FIP1L1: variants seen among roughly 807,000 people sequenced by gnomAD.
The protein encoded by FIP1L1 is factor interacting with PAPOLA and CPSF1.
FIP1L1 carries 21 observed loss-of-function variants against 84.6 expected under a neutral mutation model. The ratio of observed to expected loss-of-function variants is 0.25; its 90% CI spans 0.18 to 0.36. FIP1L1 has a LOEUF of 0.36. Among genes scored for constraint, FIP1L1 ranks in the 10% least tolerant of loss-of-function variants. The pLI is 1.00. For synonymous variants in FIP1L1, 263 were observed against 242.3 expected, an observed-to-expected ratio of 1.09 and a Z score of -0.80; for missense variants, 526 against 751.1, an observed-to-expected ratio of 0.70 and a Z score of 3.50.
intron 5 of FIP1L1, among the ~76,000 whole-genome samples, chr4:53,387,066 T>C (rs1309127831): frequency 6.6e-6 from 1 of 152,218 alleles, no homozygotes; most frequent in Non-Finnish European, 1.5e-5. Flanking sequence ...TAGAGAGACA[T>C]TGACTAATAG....
At chr4:53,435,608 A>T (rs1768781337) in intron 13 of FIP1L1, among the ~76,000 whole-genome samples, 1 of 152,158 alleles carries the variant, frequency 6.6e-6, no homozygotes, top group Admixed American at 6.5e-5. Context: ...TGTATGTAAA[A>T]TTACCTTTTT....
chr4:53,440,548 A>C, intron 13 of FIP1L1: 2 of 1,384,856 alleles, frequency 1.4e-6, no homozygotes, highest in Non-Finnish European at 2.0e-6. Flanking sequence ...CTGAAATCCA[A>C]TTACTATATT....
chr4:53,384,555 A>G (rs1578130872), intron 5 of FIP1L1, among the ~76,000 whole-genome samples: 1 of 152,244 alleles, frequency 6.6e-6, no homozygotes, highest in African/African-American at 2.4e-5. Context: ...AATAAAAACA[A>G]TATCAAAAGT....
chr4:53,383,905 G>T (rs1312670315), intron 5 of FIP1L1, 29 bp downstream of exon 5: 3 of 1,602,096 alleles, frequency 1.9e-6, no homozygotes, highest in Non-Finnish European at 2.6e-6. Flanking sequence ...AGTAACAATT[G>T]TGTAAATGCT....
In FIP1L1 at chr4:53,423,772, T is replaced by C. The variant is rs187166748; in HGVS notation, c.924-2100T>C. ...CTTGTTAAGGCTGATTTCTCAGTTA[T>C]ATGTTTTTAGAAACATAGTATTTGC... is the stretch of plus-strand genomic sequence containing the variant. On this transcript the variant is annotated intron_variant, in intron 11 of 17. Coordinates refer to ENST00000337488, the MANE Select transcript of FIP1L1 (RefSeq NM_030917.4). 2.0e-5 allele frequency among the ~76,000 whole-genome samples: 3 copies of C among 152,342 alleles called. No individual in the cohort carries two copies. In the East Asian group the frequency reaches 5.8e-4, roughly 29 times the overall value.
intron 5 of FIP1L1, among the ~76,000 whole-genome samples, chr4:53,387,249 G>A (rs747158191): frequency 5.1e-4 from 78 of 152,324 alleles, no homozygotes; most frequent in Admixed American, 1.0e-3. Context: ...GATTGCTTGA[G>A]CCTTGGAGTT....
chr4:53,411,770 C>T (rs1379620449), intron 10 of FIP1L1, among the ~76,000 whole-genome samples: 4 of 152,062 alleles, frequency 2.6e-5, no homozygotes, highest in African/African-American at 7.2e-5. Flanking sequence ...GGGTTTCCAA[C>T]GTTCTGTAGT....
At chr4:53,442,367 A>G in intron 13 of FIP1L1, 1 of 288,674 alleles carries the variant, frequency 3.5e-6, no homozygotes, top group Non-Finnish European at 6.5e-6. Flanking sequence ...ATTGAGATTA[A>G]CTTTCTCATA....
chr4:53,434,207 G>T (rs1415297381), intron 13 of FIP1L1, among the ~76,000 whole-genome samples: 1 of 152,066 alleles, frequency 6.6e-6, no homozygotes, highest in Non-Finnish European at 1.5e-5. Context: ...TTAGAGATAT[G>T]TATAATACAC....
intron 11 of FIP1L1, among the ~76,000 whole-genome samples, chr4:53,416,785 GA>G (rs1759693044): frequency 1.3e-5 from 2 of 152,036 alleles, no homozygotes; most frequent in African/African-American, 2.4e-5. Flanking sequence ...CCAACATGGT[GA>G]AACCCTGTCT....
intron 9 of FIP1L1, among the ~76,000 whole-genome samples, chr4:53,395,296 G>A (rs1746619088): frequency 6.6e-6 from 1 of 152,238 alleles, no homozygotes; most frequent in South Asian, 2.1e-4. Context: ...AAGAAAAGCT[G>A]GGAAACACGG....
At chr4:53,430,760 A>G (rs1438025778) in intron 13 of FIP1L1, among the ~76,000 whole-genome samples, 2 of 152,096 alleles carry the variant, frequency 1.3e-5, no homozygotes, top group Non-Finnish European at 2.9e-5. Context: ...CTATTTTTCT[A>G]CTTAATTCTC....
chr4:53,378,079 C>A, intron 1 of FIP1L1, 156 bp downstream of exon 1: 1 of 589,982 alleles, frequency 1.7e-6, no homozygotes, highest in Non-Finnish European at 2.7e-6. Flanking sequence ...GTGCGCGTGC[C>A]CCCAGTCCCC....
intron 10 of FIP1L1, among the ~76,000 whole-genome samples, chr4:53,407,635 TG>T (rs1754422816): frequency 6.6e-6 from 1 of 152,178 alleles, no homozygotes; most frequent in Non-Finnish European, 1.5e-5. Flanking sequence ...TTTTATTGTA[TG>T]GGAGTCTAAG....
rs535892768 is a variant in FIP1L1 at position 53,412,391 on chromosome 4, T to C, written c.816-2224T>C. Among the ~76,000 whole-genome samples, 7 of 152,256 alleles carry C rather than the reference T, an allele frequency of 4.6e-5. No individual in the cohort carries two copies. In the South Asian group the frequency reaches 1.5e-3, roughly 32 times the overall value. ...CCCAATATCCTTTATGGCAATGTTT[T>C]CTTTCTTCATGGATTTAGGACTTAA... On this transcript the variant is annotated intron_variant, in intron 10 of 17. Coordinates refer to ENST00000337488, the MANE Select transcript of FIP1L1 (RefSeq NM_030917.4).
intron 15 of FIP1L1, among the ~76,000 whole-genome samples, chr4:53,452,207 TGTTG>T (rs576267162): frequency 4.2e-4 from 64 of 152,176 alleles, no homozygotes; most frequent in Non-Finnish European, 8.2e-4. Flanking sequence ...TGGTAAAGTC[TGTTG>T]GTTGTAAGTT....
intron 9 of FIP1L1, among the ~76,000 whole-genome samples, chr4:53,392,544 A>AT (rs994613098): frequency 1.3e-5 from 2 of 152,154 alleles, no homozygotes; most frequent in Non-Finnish European, 2.9e-5. Context: ...TCTGGGTTAT[A>AT]TTGTCTATAT....
At chr4:53,382,218 A>ATGAT (rs1738472039) in intron 3 of FIP1L1, 60 bp from the exon 4 acceptor site, 1 of 1,168,554 alleles carries the variant, frequency 8.6e-7, no homozygotes, top group Non-Finnish European at 1.3e-6. Context: ...TACTAATATA[A>ATGAT]TCTATCTGTA....
Position 53,377,853 on chromosome 4 carries a change from G to A in FIP1L1, c.15G>A (p.Glu5=). The A allele has an allele frequency of 1.9e-6, 3 of 1,591,774 alleles. No individual in the cohort carries two copies. Among genetic ancestry groups the A allele is most frequent in the Non-Finnish European group, 1.7e-6 (2 of 1,169,134 alleles). Residue 5 remains glutamate, a synonymous_variant, in exon 1 of 18, where the codon GAG becomes GAA. Coordinates refer to ENST00000337488, the MANE Select transcript of FIP1L1 (RefSeq NM_030917.4). MSAG[E]VERLVSELSG... is the part of the protein sequence containing the mutation. ...TCGGGGCGGCCATGTCGGCCGGCGA[G>A]GTCGAGCGCCTAGTGTCGGAGCTGA...
Sources: allele counts gnomAD v4.1 joint callset (sites outside exome capture counted in the v4.1 genomes callset), GRCh38; gene constraint gnomAD v4.1.1; transcripts MANE v1.5; gene names NCBI Gene and HGNC (gene_info 2026-07-23, HGNC 2026-07-21).